NIM1K: variants seen among roughly 807,000 people sequenced by gnomAD.
NIM1K encodes the protein serine/threonine-protein kinase NIM1.
Under a neutral mutation model 37.1 loss-of-function variants are expected in NIM1K, and 35 were observed. The observed-to-expected ratio is 0.94, with a 90% confidence interval of 0.72 to 1.25. The LOEUF is 1.25. Among genes scored for constraint, NIM1K ranks in the 50% most tolerant of loss-of-function variants. The probability of loss-of-function intolerance (pLI) is 0.00; values close to 1 mark genes in which losing one functional copy is unlikely to be tolerated. For synonymous variants in NIM1K, 234 were observed against 206.6 expected (o/e 1.13, Z -1.14); for missense variants, 564 against 548.0 (o/e 1.03, Z -0.29).
chr5:43,223,131 T>C (rs1752405038), intron 1 of NIM1K, among the ~76,000 whole-genome samples: 2 of 77,520 alleles, frequency 2.6e-5, no homozygotes, highest in African/African-American at 1.1e-4. Context: ...AGAGCGAGAC[T>C]CCATCTCAAA....
At chr5:43,269,729 C>T (rs1476886722) in intron 2 of NIM1K, among the ~76,000 whole-genome samples, 1 of 152,030 alleles carries the variant, frequency 6.6e-6, no homozygotes, top group Non-Finnish European at 1.5e-5. Flanking sequence ...TGCCATTCTC[C>T]TGCCTCAGCC....
chr5:43,253,210 A>ATGTGTGTG (rs1476401169), intron 2 of NIM1K, among the ~76,000 whole-genome samples: 15 of 61,716 alleles, frequency 2.4e-4, no homozygotes, highest in African/African-American at 6.6e-4. Context: ...ATAATATAAT[A>ATGTGTGTG]TATGTGTGTG....
chr5:43,280,679 C>T lies in NIM1K; in HGVS notation c.1261C>T (p.Arg421Cys), dbSNP rs761768735. ...PKERDLKKGS[R>C]VYRGIRHTSK... Reference sequence around the variant, plus strand: ...AGAAAGAGACCTCAAAAAAGGGTCCCGTGTCTACAGAGGGATAAGACACAC... The same window carrying T: ...AGAAAGAGACCTCAAAAAAGGGTCCTGTGTCTACAGAGGGATAAGACACAC... Residue 421 changes from arginine (R) to cysteine (C), a missense_variant, in exon 4 of 4, where the codon CGT (arginine) becomes TGT (cysteine). Arg to Cys is a radical substitution (Grantham distance 180, BLOSUM62 -3). Coordinates refer to ENST00000326035, the MANE Select transcript of NIM1K (RefSeq NM_153361.4). The T allele has an allele frequency of 1.1e-5, 17 of 1,612,858 alleles. No individual in the cohort carries two copies. Among genetic ancestry groups the T allele is most frequent in the East Asian group, 8.9e-5 (4 of 44,870 alleles).
chr5:43,229,266 T>G lies in NIM1K; in HGVS notation c.-694-15816T>G, dbSNP rs565020340. Among the ~76,000 whole-genome samples, 23 of 151,370 alleles carry G rather than the reference T, an allele frequency of 1.5e-4. No individual in the cohort carries two copies. In the South Asian group the frequency reaches 4.2e-3, roughly 28 times the overall value. On this transcript the variant is annotated intron_variant, in intron 1 of 3. Coordinates refer to ENST00000326035, the MANE Select transcript of NIM1K (RefSeq NM_153361.4). ...CGGGCGTGGTGGCAGGAGCCTGTAATCGCAGGTACGCAGGAGGCTGAGGCA... is the reference window on the plus strand; with the variant it reads ...CGGGCGTGGTGGCAGGAGCCTGTAAGCGCAGGTACGCAGGAGGCTGAGGCA...
intron 2 of NIM1K, among the ~76,000 whole-genome samples, chr5:43,247,288 T>A (rs995646331): frequency 6.6e-6 from 1 of 152,204 alleles, no homozygotes; most frequent in Non-Finnish European, 1.5e-5. Flanking sequence ...ATTACAATAC[T>A]TGTCTGAGCC....
chr5:43,203,326 A>C (rs1752061632), intron 1 of NIM1K, among the ~76,000 whole-genome samples: 1 of 152,248 alleles, frequency 6.6e-6, no homozygotes, highest in South Asian at 2.1e-4. Flanking sequence ...GTACATTGTG[A>C]ACTACAACCT....
At chr5:43,231,392 C>T (rs1752536186) in intron 1 of NIM1K, among the ~76,000 whole-genome samples, 1 of 152,062 alleles carries the variant, frequency 6.6e-6, no homozygotes, top group Non-Finnish European at 1.5e-5. Context: ...AGAATGAGGG[C>T]TAATGAAGAA....
intron 2 of NIM1K, among the ~76,000 whole-genome samples, chr5:43,251,998 G>A (rs2112270799): frequency 6.6e-6 from 1 of 152,132 alleles, no homozygotes; most frequent in East Asian, 1.9e-4. Flanking sequence ...AGAAGTCTCT[G>A]GGAAGGGAGA....
At chr5:43,215,736 A>G (rs1752290406) in intron 1 of NIM1K, among the ~76,000 whole-genome samples, 1 of 152,186 alleles carries the variant, frequency 6.6e-6, no homozygotes, top group African/African-American at 2.4e-5. Context: ...GCCTGGTCCC[A>G]TCTTTTCCTT....
intron 1 of NIM1K, among the ~76,000 whole-genome samples, chr5:43,196,687 G>T (rs1751920866): frequency 6.6e-6 from 1 of 151,940 alleles, no homozygotes; most frequent in African/African-American, 2.4e-5. Context: ...TAAAACAACA[G>T]TCCCAGTCTC....
At position 43,245,925 on chromosome 5, in the gene NIM1K, A is replaced by G; in HGVS notation, c.150A>G (p.Lys50=). 1 of 1,614,132 alleles carries G rather than the reference A, an allele frequency of 6.2e-7. No homozygotes were observed. The highest frequency in any genetic ancestry group is 8.5e-7 in the Non-Finnish European group (1 of 1,180,002). Reference sequence around the variant, plus strand: ...CCCGCCAGCTGACGCCCTTCGAGAAACTGACACAGGACATGTCCCAGGATG... The same window carrying G: ...CCCGCCAGCTGACGCCCTTCGAGAAGCTGACACAGGACATGTCCCAGGATG... ...GQPRQLTPFE[K]LTQDMSQDEK... Residue 50 remains lysine, a synonymous_variant, in exon 2 of 4, where the codon AAA becomes AAG. Transcript: ENST00000326035.
chr5:43,271,610 A>G (rs1753258259), intron 2 of NIM1K, among the ~76,000 whole-genome samples: 3 of 152,218 alleles, frequency 2.0e-5, no homozygotes, highest in East Asian at 1.9e-4. Context: ...TGCATCTTGC[A>G]AAACTATAGT....
chr5:43,264,022 A>T (rs1194520764), intron 2 of NIM1K, among the ~76,000 whole-genome samples: 2 of 152,170 alleles, frequency 1.3e-5, no homozygotes, highest in Non-Finnish European at 2.9e-5. Context: ...ACATTTGCTG[A>T]GGAGTGCTTT....
chr5:43,262,591 G>C (rs1287811771), intron 2 of NIM1K, among the ~76,000 whole-genome samples: 2 of 151,920 alleles, frequency 1.3e-5, no homozygotes, highest in South Asian at 2.1e-4. Flanking sequence ...TAATTGAATA[G>C]CCTTTATTTC....
intron 3 of NIM1K, 126 bp from the exon 4 acceptor site, chr5:43,279,854 C>T (rs1268760136): frequency 3.8e-6 from 3 of 794,500 alleles, no homozygotes; most frequent in Non-Finnish European, 6.1e-6. Flanking sequence ...GCTATCATGA[C>T]TTAAGGTGAT....
At chr5:43,232,607 G>C in intron 1 of NIM1K, 1 of 1,563,368 alleles carries the variant, frequency 6.4e-7, no homozygotes, top group East Asian at 2.2e-5. Context: ...TGGGAGGTGA[G>C]GATGGAGTTG....
At chr5:43,275,644 T>C (rs749052946) in intron 2 of NIM1K, among the ~76,000 whole-genome samples, 103 of 152,216 alleles carry the variant, frequency 6.8e-4, no homozygotes, top group Admixed American at 1.1e-3. Context: ...ATAAAACAGT[T>C]CATGTTGGGA....
intron 2 of NIM1K, among the ~76,000 whole-genome samples, chr5:43,272,953 A>G (rs1390189493): frequency 1.3e-5 from 2 of 152,062 alleles, no homozygotes; most frequent in African/African-American, 4.8e-5. Context: ...TTGCTTTGCT[A>G]TTACCACCCT....
chr5:43,272,189 A>G (rs1753266795), intron 2 of NIM1K, among the ~76,000 whole-genome samples: 1 of 152,178 alleles, frequency 6.6e-6, no homozygotes, highest in South Asian at 2.1e-4. Flanking sequence ...TGTAGACCAT[A>G]ACCCTAATGT....
Sources: gnomAD v4.1 joint callset for allele counts (sites outside exome capture counted in the v4.1 genomes callset) on GRCh38, gnomAD v4.1.1 for gene constraint, MANE v1.5 for transcripts, NCBI Gene and HGNC (gene_info 2026-07-23, HGNC 2026-07-21) for gene names.